FREM1: variants seen among roughly 807,000 people sequenced by gnomAD.
The protein encoded by FREM1 is FRAS1-related extracellular matrix protein 1.
Under a neutral mutation model 210.1 loss-of-function variants are expected in FREM1, and 220 were observed. The observed-to-expected ratio is 1.05, with a 90% CI of 0.94 to 1.17. The LOEUF (loss-of-function observed/expected upper bound fraction) is 1.17, where lower values mean the gene tolerates loss of function less well. Ranked by LOEUF, FREM1 falls within the 50% of genes most tolerant of loss-of-function variation. The pLI is 0.00. For synonymous variants in FREM1, 1,189 were observed against 980.2 expected (o/e 1.21, Z -3.98); for missense variants, 3,454 against 2,675.5 (o/e 1.29, Z -6.42).
chr9:14,816,240 A>G (rs1036245797), intron 15 of FREM1, among the ~76,000 whole-genome samples: 33 of 152,196 alleles, frequency 2.2e-4, no homozygotes, highest in African/African-American at 7.0e-4. Context: ...CTACCTCTAA[A>G]TAGATTAGAG....
At chr9:14,866,250 C>A (rs1831490761) in intron 2 of FREM1, among the ~76,000 whole-genome samples, 1 of 152,164 alleles carries the variant, frequency 6.6e-6, no homozygotes, top group Non-Finnish European at 1.5e-5. Context: ...AGATGACTTG[C>A]AGGCCTATTC....
At chr9:14,806,892 T>A in intron 17 of FREM1, 46 bp from the exon 18 acceptor site, 1 of 1,282,186 alleles carries the variant, frequency 7.8e-7, no homozygotes, top group Non-Finnish European at 1.1e-6. Flanking sequence ...TGAAATCCTC[T>A]AAACAGACTG....
intron 5 of FREM1, among the ~76,000 whole-genome samples, chr9:14,853,476 T>G (rs995240327): frequency 3.3e-5 from 5 of 152,176 alleles, no homozygotes; most frequent in African/African-American, 1.2e-4. Flanking sequence ...GATAGATCAA[T>G]GAATGGGACT....
At chr9:14,800,493 C>G (rs1817062131) in intron 20 of FREM1, among the ~76,000 whole-genome samples, 1 of 152,182 alleles carries the variant, frequency 6.6e-6, no homozygotes, top group Non-Finnish European at 1.5e-5. Flanking sequence ...TGTGCCATTT[C>G]TCTAAAGAGT....
intron 1 of FREM1, among the ~76,000 whole-genome samples, chr9:14,896,271 C>A (rs913347216): frequency 6.6e-6 from 1 of 152,142 alleles, no homozygotes; most frequent in African/African-American, 2.4e-5. Context: ...ATGGGCTGGG[C>A]CCCGTGGCTC....
intron 27 of FREM1, among the ~76,000 whole-genome samples, chr9:14,769,236 C>G (rs1847067726): frequency 6.6e-6 from 1 of 152,096 alleles, no homozygotes; most frequent in Non-Finnish European, 1.5e-5. Flanking sequence ...AGTTTATCAC[C>G]TTATAAACAT....
intron 2 of FREM1, among the ~76,000 whole-genome samples, chr9:14,867,642 C>A (rs547571431): frequency 3.3e-5 from 5 of 152,194 alleles, no homozygotes; most frequent in African/African-American, 1.2e-4. Context: ...GTCTTTTTTT[C>A]TCTCTCTGTA....
At chr9:14,888,830 T>C (rs1318614392) in intron 1 of FREM1, among the ~76,000 whole-genome samples, 3 of 152,228 alleles carry the variant, frequency 2.0e-5, no homozygotes, top group Admixed American at 1.3e-4. Flanking sequence ...TTTATCAATG[T>C]ATTTGCTTTT....
intron 31 of FREM1, among the ~76,000 whole-genome samples, 152 bp from the exon 32 acceptor site, chr9:14,747,880 C>G (rs1842748569): frequency 6.6e-6 from 1 of 152,156 alleles, no homozygotes; most frequent in Non-Finnish European, 1.5e-5. Flanking sequence ...ATTGGAATTT[C>G]AAAAATCACT....
chr9:14,775,180 A>G (rs1177891784), intron 25 of FREM1, among the ~76,000 whole-genome samples: 1 of 152,172 alleles, frequency 6.6e-6, no homozygotes, highest in Non-Finnish European at 1.5e-5. Context: ...GATTCAGAAG[A>G]GTTAAAGAAC....
intron 16 of FREM1, 62 bp downstream of exon 16, chr9:14,812,750 C>A (rs1237400481): frequency 6.6e-6 from 10 of 1,509,894 alleles, no homozygotes; most frequent in South Asian, 2.7e-5. Flanking sequence ...GGAGCCCACA[C>A]TGAGGAGTGG....
chr9:14,868,229 C>A (rs1831908091), intron 2 of FREM1, among the ~76,000 whole-genome samples: 1 of 152,180 alleles, frequency 6.6e-6, no homozygotes, highest in South Asian at 2.1e-4. Context: ...TCCAAAGCCA[C>A]TCTGACTGGC....
chr9:14,855,247 A>T (rs1828522839), intron 5 of FREM1, among the ~76,000 whole-genome samples: 1 of 152,112 alleles, frequency 6.6e-6, no homozygotes, highest in Non-Finnish European at 1.5e-5. Context: ...GAAATTGTAT[A>T]CGTTATATCC....
intron 1 of FREM1, among the ~76,000 whole-genome samples, chr9:14,892,925 T>C (rs1837105555): frequency 6.6e-6 from 1 of 152,078 alleles, no homozygotes; most frequent in Non-Finnish European, 1.5e-5. Flanking sequence ...TGGTCAGAGG[T>C]TGGATTAACA....
chr9:14,783,656 G>T (rs1390795503), intron 24 of FREM1, among the ~76,000 whole-genome samples: 1 of 152,156 alleles, frequency 6.6e-6, no homozygotes, highest in Admixed American at 6.5e-5. Flanking sequence ...CTTGGCTCTT[G>T]CTTTATGTGA....
At chr9:14,746,777 C>T in intron 34 of FREM1, 146 bp downstream of exon 34, 1 of 959,180 alleles carries the variant, frequency 1.0e-6, no homozygotes, top group South Asian at 1.9e-5. Flanking sequence ...CACTTTGGGC[C>T]ATTTTTTCCT....
intron 10 of FREM1, among the ~76,000 whole-genome samples, chr9:14,834,296 T>C (rs1824132576): frequency 6.6e-6 from 1 of 152,152 alleles, no homozygotes; most frequent in Admixed American, 6.5e-5. Context: ...AAGTGCATGG[T>C]AGAAGCACTA....
intron 1 of FREM1, among the ~76,000 whole-genome samples, chr9:14,887,418 G>A (rs192437319): frequency 2.0e-5 from 3 of 152,252 alleles, no homozygotes; most frequent in Admixed American, 2.0e-4. Flanking sequence ...CCATTTCTTT[G>A]GTGGGCCCAT....
At chr9:14,869,852 G>A (rs1832258680) in intron 1 of FREM1, among the ~76,000 whole-genome samples, 1 of 152,124 alleles carries the variant, frequency 6.6e-6, no homozygotes, top group Non-Finnish European at 1.5e-5. Flanking sequence ...GTGTGAAAGG[G>A]ACTACGAATG....
Sources: allele counts gnomAD v4.1 joint callset (sites outside exome capture counted in the v4.1 genomes callset), GRCh38; gene constraint gnomAD v4.1.1; transcripts MANE v1.5; gene names NCBI Gene and HGNC (gene_info 2026-07-23, HGNC 2026-07-21).